The following PHEX variants were observed in gnomAD, a reference collection of about 807,000 sequenced individuals.
PHEX encodes phosphate-regulating neutral endopeptidase PHEX.
PHEX carries 16 observed loss-of-function variants against 68.0 expected under a neutral mutation model. The ratio of observed to expected loss-of-function variants is 0.24; its 90% CI spans 0.16 to 0.36. The LOEUF (loss-of-function observed/expected upper bound fraction) is 0.36, where lower values mean the gene tolerates loss of function less well. Among genes scored for constraint, PHEX ranks in the 10% least tolerant of loss-of-function variants. The pLI is 1.00. For missense variants in PHEX, 480 were observed against 575.5 expected (o/e 0.83, Z 1.70); for synonymous variants, 208 against 205.1 (o/e 1.01, Z -0.12).
intron 13 of PHEX, among the ~76,000 whole-genome samples, chrX:22,174,790 C>T (rs185214048): frequency 1.4e-4 from 16 of 112,247 alleles, no homozygotes; most frequent in African/African-American, 5.2e-4. Flanking sequence ...TGTTTTGCTA[C>T]TGTCTTTATA....
At chrX:22,130,568 A>C (rs919392117) in intron 11 of PHEX, among the ~76,000 whole-genome samples, 74 of 108,718 alleles carry the variant, frequency 6.8e-4, no homozygotes, top group African/African-American at 2.4e-3. Context: ...AAAAAAAAAA[A>C]AAAACTTAGG....
intron 3 of PHEX, among the ~76,000 whole-genome samples, chrX:22,069,819 C>T (rs1421978282): frequency 9.0e-6 from 1 of 111,692 alleles, no homozygotes; most frequent in Non-Finnish European, 1.9e-5. Flanking sequence ...CTGAGTGTCA[C>T]ACAATTCGTG....
At position 22,152,906 on chromosome X, in the gene PHEX, C is replaced by T. The variant is rs1255095635; in HGVS notation, c.1405-15406C>T. On this transcript the variant is annotated intron_variant, in intron 12 of 21. Transcript: ENST00000379374. ...CAGTAAAAATTTTAAAAGATGTTTC[C>T]CAGTATGCAGGGCTTATTTGCCTTT... Among the ~76,000 whole-genome samples, 15 of 111,498 alleles carry T rather than the reference C, an allele frequency of 1.3e-4. No homozygotes were observed. In the Admixed American group the frequency reaches 1.4e-3, roughly 11 times the overall value.
chrX:22,160,696 C>G (rs1027753230), intron 12 of PHEX, among the ~76,000 whole-genome samples: 9 of 111,714 alleles, frequency 8.1e-5, no homozygotes, highest in Non-Finnish European at 5.6e-5. Context: ...TTACCTCCCA[C>G]TGGGTCTCTC....
chrX:22,120,831 C>T (rs1403209382), intron 11 of PHEX, among the ~76,000 whole-genome samples: 3 of 111,710 alleles, frequency 2.7e-5, no homozygotes, highest in Admixed American at 9.6e-5. Context: ...TCTACTAAGG[C>T]GGAAATGTGA....
intron 20 of PHEX, among the ~76,000 whole-genome samples, chrX:22,234,818 CA>C (rs371302739): frequency 5.8e-4 from 51 of 87,437 alleles, no homozygotes; most frequent in South Asian, 1.8e-3. Flanking sequence ...AGTGGGGTAT[CA>C]AAAAAAAAAA....
intron 12 of PHEX, among the ~76,000 whole-genome samples, chrX:22,140,179 G>C (rs1345448145): frequency 9.0e-6 from 1 of 111,404 alleles, no homozygotes; most frequent in East Asian, 2.8e-4. Flanking sequence ...GTTAATAGAA[G>C]GGTATAATGT....
chrX:22,093,731 A>G (rs953422078), intron 6 of PHEX, among the ~76,000 whole-genome samples: 1 of 111,756 alleles, frequency 8.9e-6, no homozygotes, highest in African/African-American at 3.3e-5. Context: ...CCAGAAAACT[A>G]GTTCTCTTGT....
intron 3 of PHEX, among the ~76,000 whole-genome samples, chrX:22,063,140 C>T (rs990727306): frequency 5.4e-5 from 6 of 111,692 alleles, no homozygotes; most frequent in African/African-American, 2.0e-4. Context: ...AGCCTTTGTA[C>T]ATTAGAGAAG....
In PHEX at chrX:22,133,505, T is replaced by G; in HGVS notation, c.1303-18T>G. The G allele has an allele frequency of 8.6e-7, 1 of 1,161,148 alleles. No homozygotes were observed. Among genetic ancestry groups the G allele is most frequent in the Non-Finnish European group, 1.2e-6 (1 of 849,397 alleles). On this transcript the variant is annotated intron_variant, in intron 11 of 21. Coordinates refer to ENST00000379374, the MANE Select transcript of PHEX (RefSeq NM_000444.6). ...GCTTCTTGGCTTTGACGTTCCCTCT[T>G]TGGGTATTTTCTTGTAGATGGAGGA...
chrX:22,092,767 T>TTTTTTTTTA (rs1929952578), intron 6 of PHEX, among the ~76,000 whole-genome samples: 1 of 99,809 alleles, frequency 1.0e-5, no homozygotes, highest in African/African-American at 3.9e-5. Context: ...TTTTTTTTTT[T>TTTTTTTTTA]GAGATGGAAT....
At chrX:22,066,999 G>A (rs938376444) in intron 3 of PHEX, among the ~76,000 whole-genome samples, 1 of 110,732 alleles carries the variant, frequency 9.0e-6, no homozygotes, top group Non-Finnish European at 1.9e-5. Context: ...ATCCCAACAC[G>A]TTGGGAGGTT....
chrX:22,038,386 A>T (rs138782360), intron 1 of PHEX, 83 bp from the exon 2 acceptor site: 1 of 633,158 alleles, frequency 1.6e-6, no homozygotes, highest in East Asian at 3.2e-5. Flanking sequence ...CTGATATCAA[A>T]TATCTTGCGT....
rs1315245436 is a variant in PHEX, at chrX:22,245,422, A to G, written c.2147+13A>G. On this transcript the variant is annotated intron_variant, in intron 21 of 21. Coordinates refer to ENST00000379374, the MANE Select transcript of PHEX (RefSeq NM_000444.6). ...CCCCTCAGTTTAGGTAAATGGGCAA[A>G]TGGGTGACGGCAGTTTTTAACTGTA... 1.8e-6 allele frequency: 2 copies of G among 1,135,905 alleles called. No individual in the cohort carries two copies. The highest frequency in any genetic ancestry group is 2.4e-6 in the Non-Finnish European group (2 of 826,697). The allele number at this position is 1,135,905 out of a possible 1,213,427, so 93.6% of individuals were successfully genotyped here.
chrX:22,233,171 T>C (rs751959716), intron 20 of PHEX, among the ~76,000 whole-genome samples: 20 of 111,827 alleles, frequency 1.8e-4, no homozygotes, highest in Non-Finnish European at 3.6e-4. Flanking sequence ...CTGAGAGAGA[T>C]CCACTGTTTG....
At chrX:22,138,098 C>A (rs1932306534) in intron 12 of PHEX, among the ~76,000 whole-genome samples, 1 of 112,631 alleles carries the variant, frequency 8.9e-6, no homozygotes, top group African/African-American at 3.2e-5. Context: ...CCTCTTTCTC[C>A]TACCAGTGTT....
intron 15 of PHEX, among the ~76,000 whole-genome samples, chrX:22,212,438 A>G (rs1934958397): frequency 9.0e-6 from 1 of 111,621 alleles, no homozygotes; most frequent in South Asian, 3.9e-4. Flanking sequence ...TTGTCCCCTC[A>G]TGCTCCACTC....
At chrX:22,039,265 G>A (rs181191312) in intron 2 of PHEX, among the ~76,000 whole-genome samples, 7 of 112,830 alleles carry the variant, frequency 6.2e-5, no homozygotes, top group Non-Finnish European at 1.3e-4. Context: ...CACTGTGCCC[G>A]GCTGGGAATC....
intron 20 of PHEX, among the ~76,000 whole-genome samples, chrX:22,243,685 T>TA: frequency 1.8e-5 from 2 of 112,380 alleles, no homozygotes; most frequent in Non-Finnish European, 3.8e-5. Context: ...AAATGCTCAT[T>TA]TTCACTGGTC....
Sources: allele counts gnomAD v4.1 joint callset (sites outside exome capture counted in the v4.1 genomes callset), GRCh38; gene constraint gnomAD v4.1.1; transcripts MANE v1.5; gene names NCBI Gene and HGNC (gene_info 2026-07-23, HGNC 2026-07-21).